ACBD5: variants seen among roughly 807,000 people sequenced by gnomAD.
The protein encoded by ACBD5 is acyl-CoA-binding domain-containing protein 5.
Under a neutral mutation model 71.8 loss-of-function variants are expected in ACBD5, and 40 were observed. The ratio of observed to expected loss-of-function variants is 0.56; its 90% CI spans 0.43 to 0.72. The LOEUF is 0.72. Among genes scored for constraint, ACBD5 ranks in the 30% least tolerant of loss-of-function variants. The pLI, the probability that ACBD5 is intolerant of heterozygous loss-of-function variation, is 0.00. For missense variants in ACBD5, 559 were observed against 644.5 expected (o/e 0.87, Z 1.44); for synonymous variants, 229 against 218.6 (o/e 1.05, Z -0.42).
downstream of ACBD5, among the ~76,000 whole-genome samples, chr10:27,192,521 G>A (rs1293018473): frequency 6.6e-6 from 1 of 152,116 alleles, no homozygotes; most frequent in African/African-American, 2.4e-5. Flanking sequence ...ATAGCTGGGT[G>A]TTCCATTTAG....
Position 27,240,624 on chromosome 10 carries a change from G to C in ACBD5, c.15+50C>G. ...CCCGGCTCCTTCCTCCTCCCCCGGG[G>C]CGTGACTAAGGCCACGAATCCGGCC... On this transcript the variant is annotated intron_variant, in intron 1 of 12. Coordinates refer to ENST00000396271, the MANE Select transcript of ACBD5 (RefSeq NM_145698.5). The surrounding 1 kb of genome is among the most constrained non-coding windows in gnomAD (Gnocchi z 4.1). 1 of 1,551,026 alleles carries C rather than the reference G, an allele frequency of 6.4e-7. No homozygotes were observed. Among genetic ancestry groups the C allele is most frequent in the Non-Finnish European group, 8.7e-7 (1 of 1,146,930 alleles).
intron 8 of ACBD5, among the ~76,000 whole-genome samples, chr10:27,211,999 G>C (rs2061133201): frequency 6.6e-6 from 1 of 152,126 alleles, no homozygotes; most frequent in East Asian, 1.9e-4. Flanking sequence ...TAGAGAAACA[G>C]AGAGAAGGCC....
intron 4 of ACBD5, among the ~76,000 whole-genome samples, chr10:27,230,841 GAT>G (rs754030354): frequency 2.4e-4 from 36 of 147,898 alleles, no homozygotes; most frequent in Non-Finnish European, 5.1e-4. Context: ...TAAAATTCAT[GAT>G]TTCTTCATAT....
chr10:27,191,118 T>G (rs1024064309), downstream of ACBD5, among the ~76,000 whole-genome samples: 2 of 152,186 alleles, frequency 1.3e-5, no homozygotes, highest in Admixed American at 6.6e-5. Flanking sequence ...AATGGGCTAT[T>G]ATTCAGCGCT....
rs1168743059 is a variant in ACBD5, at chr10:27,218,151, T to C, written c.658A>G (p.Lys220Glu). ...KKMMKKSADH[K>E]NLEVIVTNGY... ...TTAGTGACAATGACTTCCAAATTCT[T>C]ATGGTCTGCTGACTTCTTCATCATT... Residue 220 changes from lysine to glutamate, a missense_variant, in exon 7 of 13, where the codon AAG (lysine) becomes GAG (glutamate). Transcript: ENST00000396271. The C allele has an allele frequency of 5.0e-6, 8 of 1,613,978 alleles. No individual in the cohort carries two copies. Among genetic ancestry groups the C allele is most frequent in the Non-Finnish European group, 6.8e-6 (8 of 1,179,984 alleles).
chr10:27,240,874 A>C (rs565183156), upstream of ACBD5: 65 of 879,290 alleles, frequency 7.4e-5, no homozygotes, highest in African/African-American at 9.7e-4. The surrounding 1 kb of genome is among the most constrained non-coding windows in gnomAD (Gnocchi z 4.1). Context: ...CCGCAGCAGC[A>C]GTGCAGCAAA....
At chr10:27,205,146 A>C in intron 11 of ACBD5, 52 bp downstream of exon 11, 4 of 1,564,756 alleles carry the variant, frequency 2.6e-6, no homozygotes, top group Non-Finnish European at 3.5e-6. Flanking sequence ...CAAAAACAAC[A>C]ACAAAAAACA....
chr10:27,205,093 C>T, intron 11 of ACBD5, 105 bp downstream of exon 11: 1 of 1,151,632 alleles, frequency 8.7e-7, no homozygotes. Flanking sequence ...CACCACTGCA[C>T]TCCAGCCTGG....
At chr10:27,185,294 G>C (rs561054092) in intron 13 of ACBD5, among the ~76,000 whole-genome samples, 42 of 152,122 alleles carry the variant, frequency 2.8e-4, no homozygotes, top group Non-Finnish European at 5.4e-4. Flanking sequence ...TCAAGGAGCA[G>C]AAAGTAGGCC....
chr10:27,185,403 C>T (rs150503419), intron 13 of ACBD5, among the ~76,000 whole-genome samples: 2,496 of 151,600 alleles, frequency 0.016, 118 homozygotes, highest in East Asian at 0.14. Flanking sequence ...GAGGCTGAGG[C>T]GGGTGGATCC....
intron 10 of ACBD5, among the ~76,000 whole-genome samples, chr10:27,207,687 C>T (rs1317049365): frequency 6.6e-6 from 1 of 152,176 alleles, no homozygotes; most frequent in Non-Finnish European, 1.5e-5. Context: ...GCTGTAGTAT[C>T]TCTTCCTATG....
rs1180517888 is a variant in ACBD5 at position 27,240,727 on chromosome 10, C to T, written c.-39G>A. On this transcript the variant is annotated 5_prime_UTR_variant, in exon 1 of 13. Coordinates refer to ENST00000396271, the MANE Select transcript of ACBD5 (RefSeq NM_145698.5). This position sits in a 1 kb window ranked among gnomAD's most constrained non-coding sequence, Gnocchi z 4.1. ...CAGAGGGGGTCCGGGCATCGGTGGC[C>T]GCGGAGCCGCTCTCCCACCCTGGGG... 1 of 1,550,198 alleles carries T rather than the reference C, an allele frequency of 6.5e-7. No homozygotes were observed. The highest frequency in any genetic ancestry group is 2.4e-5 in the East Asian group (1 of 40,900).
At position 27,214,362 on chromosome 10, in the gene ACBD5, T is replaced by TTTA. The variant is rs1281896704; in HGVS notation, c.936+1170_936+1172dup. ...ATCTCATATACCCCATAAATATATA[T>TTTA]TTATTATATTTTTTATATTTTACAA... On this transcript the variant is annotated intron_variant, in intron 8 of 12. Transcript: ENST00000396271. Among the ~76,000 whole-genome samples, 13 of 151,986 alleles carry TTTA rather than the reference T, an allele frequency of 8.6e-5. 1 individual carries two copies. The highest frequency in any genetic ancestry group is 5.9e-4 in the Admixed American group (9 of 15,242).
At chr10:27,234,985 C>T (rs1040632613) in intron 3 of ACBD5, 107 bp downstream of exon 3, 11 of 1,179,078 alleles carry the variant, frequency 9.3e-6, no homozygotes, top group Admixed American at 2.1e-5. Flanking sequence ...TACCCAATAC[C>T]TAGGACACTT....
intron 8 of ACBD5, among the ~76,000 whole-genome samples, chr10:27,213,308 A>G (rs1367243843): frequency 1.3e-5 from 2 of 152,196 alleles, no homozygotes; most frequent in East Asian, 3.8e-4. Flanking sequence ...CTACAATGAG[A>G]TATTACCTCG....
At position 27,196,219 on chromosome 10, in the gene ACBD5, T is replaced by A. The variant is rs1335809317; in HGVS notation, c.*1211A>T. 7 of 453,894 alleles carry A rather than the reference T, an allele frequency of 1.5e-5. No homozygotes were observed. Among genetic ancestry groups the A allele is most frequent in the Non-Finnish European group, 2.6e-5 (6 of 226,786 alleles). 28.1% of individuals were successfully genotyped at this position (453,894 alleles called of 1,614,324 possible). On this transcript the variant is annotated 3_prime_UTR_variant, in exon 13 of 13. Transcript: ENST00000396271. ...CCATTTAAAAAAAAAAATTATTTGT[T>A]ACAAAGACTGCATCAAAGAAATCTT...
At chr10:27,223,076 A>T (rs2062559543) in intron 5 of ACBD5, 1 of 653,586 alleles carries the variant, frequency 1.5e-6, no homozygotes, top group African/African-American at 1.8e-5. Context: ...AATGTTTTGG[A>T]ACTTCATATA....
rs1305404718 is a variant in ACBD5 at position 27,195,611 on chromosome 10, T to C, written c.*1819A>G. 1 of 426,388 alleles carries C rather than the reference T, an allele frequency of 2.3e-6. No individual in the cohort carries two copies. The highest frequency in any genetic ancestry group is 2.9e-5 in the Admixed American group (1 of 35,028). The allele number at this position is 426,388 out of a possible 1,614,324, so 26.4% of individuals were successfully genotyped here. A position where few individuals can be genotyped will look rare whatever the true frequency, so the allele number is the denominator to read the frequency against. On this transcript the variant is annotated 3_prime_UTR_variant, in exon 13 of 13. Coordinates refer to ENST00000396271, the MANE Select transcript of ACBD5 (RefSeq NM_145698.5). ...CACAGGTCTAAATGTTATTTTTACA[T>C]ATAAATTCAGTTGCTTGCTTCACTT... is the stretch of plus-strand genomic sequence containing the variant.
chr10:27,212,164 C>T (rs913016020), intron 8 of ACBD5, among the ~76,000 whole-genome samples: 6 of 152,206 alleles, frequency 3.9e-5, no homozygotes, highest in Non-Finnish European at 8.8e-5. Context: ...GCCTGGCCAA[C>T]ATGACGAGAC....
Sources: allele counts gnomAD v4.1 joint callset (sites outside exome capture counted in the v4.1 genomes callset), GRCh38; gene constraint gnomAD v4.1.1; non-coding constraint Gnocchi (gnomAD v3.1); transcripts MANE v1.5; gene names NCBI Gene and HGNC (gene_info 2026-07-23, HGNC 2026-07-21).